Variants in LIG1 observed in about 807,000 individuals in gnomAD.
LIG1 encodes the protein DNA ligase 1, also known as ligase I, DNA, ATP-dependent.
Under a neutral mutation model 115.7 loss-of-function variants are expected in LIG1, and 70 were observed. The observed-to-expected ratio is 0.60, with a 90% CI of 0.50 to 0.74. LIG1 has a LOEUF of 0.74. Among genes scored for constraint, LIG1 ranks in the 30% least tolerant of loss-of-function variants. LIG1 has a pLI of 0.00. For missense variants in LIG1, 1,115 were observed against 1,225.6 expected (o/e 0.91, Z 1.35); for synonymous variants, 487 against 495.3 (o/e 0.98, Z 0.22).
In LIG1 at chr19:48,115,600, G is replaced by A. The variant is rs1392330262; in HGVS notation, c.*49C>T. 7.4e-7 allele frequency: 1 copy of A among 1,350,800 alleles called. No individual in the cohort carries two copies. The highest frequency in any genetic ancestry group is 2.3e-5 in the East Asian group (1 of 43,668). The allele number at this position is 1,350,800 out of a possible 1,614,324, so 83.7% of individuals were successfully genotyped here. A position where few individuals can be genotyped will look rare whatever the true frequency, so the allele number is the denominator to read the frequency against. On this transcript the variant is annotated 3_prime_UTR_variant, in exon 28 of 28. Transcript: ENST00000263274. ...AAAAGCAAAGGCAATAATAACCCTG[G>A]GGTCCGTCCAACTCATGCCCTGTAC...
At chr19:48,144,490 A>C (rs416844) in intron 9 of LIG1, among the ~76,000 whole-genome samples, 97,207 of 152,048 alleles carry the variant, frequency 0.64, 32,613 homozygotes, top group East Asian at 0.87. Flanking sequence ...ACAATCAGAC[A>C]TGGGAGGAAG....
chr19:48,125,169 T>C (rs1372634443), intron 21 of LIG1, among the ~76,000 whole-genome samples: 1 of 152,148 alleles, frequency 6.6e-6, no homozygotes, highest in East Asian at 1.9e-4. Flanking sequence ...AAATAGGCCA[T>C]CAATAAATTT....
chr19:48,167,825 T>TAAA (rs776208781), intron 1 of LIG1, among the ~76,000 whole-genome samples: 7 of 113,768 alleles, frequency 6.2e-5, no homozygotes, highest in Non-Finnish European at 7.6e-5. Flanking sequence ...GACCCCGTCT[T>TAAA]AAAAAAAAAA....
intron 15 of LIG1, 88 bp from the exon 16 acceptor site, chr19:48,135,867 A>G: frequency 7.6e-7 from 1 of 1,321,194 alleles, no homozygotes; most frequent in Non-Finnish European, 1.1e-6. Flanking sequence ...TATGGCAAGG[A>G]ATGCAGATGC....
At position 48,161,432 on chromosome 19, in the gene LIG1, G is replaced by C. The variant is rs984362771; in HGVS notation, c.183C>G (p.Ala61=). The C allele has an allele frequency of 6.8e-6, 11 of 1,614,096 alleles. No individual in the cohort carries two copies. The highest frequency in any genetic ancestry group is 9.3e-6 in the Non-Finnish European group (11 of 1,180,024). The change falls in exon 4 of 28, where the codon GCC becomes GCG. Residue 61 remains alanine (A), a synonymous_variant. Coordinates refer to ENST00000263274, the MANE Select transcript of LIG1 (RefSeq NM_000234.3). ...CTTCCCCTTCGCTGCCCAGGACCCG[G>C]GCCGCCTTCCTCCCTGGCCTCTTCA... is the stretch of plus-strand genomic sequence containing the variant. ...SPVKRPGRKA[A]RVLGSEGEEE...
rs747118002 is a variant in LIG1, at chr19:48,134,077, G to A, written c.1524-11C>T. 24 of 1,552,666 alleles carry A rather than the reference G, an allele frequency of 1.5e-5. No homozygotes were observed. The highest frequency in any genetic ancestry group is 2.7e-5 in the African/African-American group (2 of 73,102). ...AGGTCGGGAACCTCGCTGGGGTGGC[G>A]GGTGAGAACAAGATAGGGGAAGCCT... On this transcript the variant is annotated splice_polypyrimidine_tract_variant and intron_variant, in intron 16 of 27. Transcript: ENST00000263274.
At chr19:48,143,507 ACCCCGCC>A in intron 11 of LIG1, 29 bp downstream of exon 11, 2 of 550,496 alleles carry the variant, frequency 3.6e-6, no homozygotes, top group Non-Finnish European at 7.2e-6. Context: ...CCCAGAAGCG[ACCCCGCC>A]CCCCACCCAG....
At chr19:48,152,877 TC>T (rs924997688) in intron 6 of LIG1, among the ~76,000 whole-genome samples, 8 of 152,150 alleles carry the variant, frequency 5.3e-5, no homozygotes, top group Non-Finnish European at 1.2e-4. Flanking sequence ...CCAAGGCATT[TC>T]CCACAAGTAA....
intron 3 of LIG1, among the ~76,000 whole-genome samples, chr19:48,162,006 G>T (rs2036209421): frequency 6.6e-6 from 1 of 152,108 alleles, no homozygotes; most frequent in African/African-American, 2.4e-5. Context: ...GTGGCCAGCG[G>T]CCAGCTTCTC....
intron 19 of LIG1, among the ~76,000 whole-genome samples, chr19:48,130,147 A>C (rs1292912755): frequency 6.6e-6 from 1 of 152,262 alleles, no homozygotes; most frequent in Non-Finnish European, 1.5e-5. Flanking sequence ...AAAACTCATC[A>C]AACAGCATAG....
At chr19:48,167,504 C>T (rs962499187) in intron 1 of LIG1, among the ~76,000 whole-genome samples, 1 of 152,082 alleles carries the variant, frequency 6.6e-6, no homozygotes, top group African/African-American at 2.4e-5. Flanking sequence ...CACATGTTGG[C>T]ACCACAACTC....
chr19:48,123,240 A>G lies in LIG1; in HGVS notation c.2083T>C (p.Phe695Leu). Residue 695 changes from phenylalanine to leucine, a missense_variant, in exon 22 of 28, where the codon TTC (phenylalanine) becomes CTC (leucine). By Grantham distance (22) the Phe-to-Leu change is conservative. Transcript: ENST00000263274. ...NFVETEGEFV[F>L]ATSLDTKDIE... Reference sequence around the variant, plus strand: ...TCCTTGGTGTCCAGGGAGGTGGCGAAGACAAACTCGCCCTCTGTCTCCACA... The same window carrying G: ...TCCTTGGTGTCCAGGGAGGTGGCGAGGACAAACTCGCCCTCTGTCTCCACA... 1 of 1,614,126 alleles carries G rather than the reference A, an allele frequency of 6.2e-7. No individual in the cohort carries two copies. Among genetic ancestry groups the G allele is most frequent in the Non-Finnish European group, 8.5e-7 (1 of 1,180,030 alleles).
Position 48,168,147 on chromosome 19 carries a change from G to A in LIG1, c.-58+2094C>T, listed in dbSNP as rs1172387332. On this transcript the variant is annotated intron_variant, in intron 1 of 27. Transcript: ENST00000263274. ...GCATCTATAGTACGTTCCACCCCAG[G>A]TCGGCCTGCTCCACAGCTCACCTCT... Among the ~76,000 whole-genome samples, 5 of 152,172 alleles carry A rather than the reference G, an allele frequency of 3.3e-5. No individual in the cohort carries two copies. The South Asian group carries it at 6.2e-4, about 19-fold the overall frequency.
chr19:48,140,220 G>C (rs1033953767), intron 11 of LIG1, 77 bp from the exon 12 acceptor site: 12 of 951,306 alleles, frequency 1.3e-5, no homozygotes, highest in African/African-American at 3.2e-5. Context: ...TGGGTTTAAG[G>C]GGGTGGACAC....
Position 48,122,910 on chromosome 19 carries a change from G to A in LIG1, c.2232+24C>T, listed in dbSNP as rs1042753892. On this transcript the variant is annotated intron_variant, in intron 23 of 27. Transcript: ENST00000263274. This position sits in a 1 kb window ranked among gnomAD's most constrained non-coding sequence, Gnocchi z 4.3. ...GACCTCCAGACCCGGGGTGGAGAAG[G>A]CCCAGTTGGGGGTCGAGAATCACCT... 2 of 1,610,094 alleles carry A rather than the reference G, an allele frequency of 1.2e-6. No individual in the cohort carries two copies. Among genetic ancestry groups the A allele is most frequent in the South Asian group, 1.1e-5 (1 of 90,980 alleles).
At chr19:48,156,629 G>A (rs1463115772) in intron 5 of LIG1, among the ~76,000 whole-genome samples, 1 of 152,128 alleles carries the variant, frequency 6.6e-6, no homozygotes, top group African/African-American at 2.4e-5. Flanking sequence ...TACCTTGGAT[G>A]GGAATCCAAG....
chr19:48,128,560 CCT>C, intron 19 of LIG1, among the ~76,000 whole-genome samples: 1 of 152,354 alleles, frequency 6.6e-6, no homozygotes, highest in Middle Eastern at 3.4e-3. Context: ...AGCACGTGAG[CCT>C]CTCTGTTTCT....
rs948935007 is a variant in LIG1 at position 48,120,797 on chromosome 19, A to G, written c.2385+373T>C. 33 of 439,300 alleles carry G rather than the reference A, an allele frequency of 7.5e-5. No individual in the cohort carries two copies. The East Asian group carries it at 1.7e-3, about 22-fold the overall frequency. The allele number at this position is 439,300 out of a possible 1,614,324, so 27.2% of individuals were successfully genotyped here. A position where few individuals can be genotyped will look rare whatever the true frequency, so the allele number is the denominator to read the frequency against. On this transcript the variant is annotated intron_variant, in intron 24 of 27. Coordinates refer to ENST00000263274, the MANE Select transcript of LIG1 (RefSeq NM_000234.3). ...TGATGAGGCCAGAGGCACATGGCAGAAAAAAAAAATGTGGGGACAAAAAAA... is the reference window on the plus strand; with the variant it reads ...TGATGAGGCCAGAGGCACATGGCAGGAAAAAAAAATGTGGGGACAAAAAAA...
At chr19:48,127,369 G>A (rs897296833) in intron 20 of LIG1, 21 bp from the exon 21 acceptor site, 21 of 1,608,130 alleles carry the variant, frequency 1.3e-5, no homozygotes, top group Non-Finnish European at 1.6e-5. Context: ...GCACAACGGA[G>A]TTCGTGAGTG....
Sources: gnomAD v4.1 joint callset for allele counts (sites outside exome capture counted in the v4.1 genomes callset) on GRCh38, gnomAD v4.1.1 for gene constraint, Gnocchi (gnomAD v3.1) non-coding constraint, MANE v1.5 for transcripts, NCBI Gene and HGNC (gene_info 2026-07-23, HGNC 2026-07-21) for gene names.